EBF1: variants seen among roughly 807,000 people sequenced by gnomAD.
EBF1 encodes the protein transcription factor COE1.
A neutral mutation model predicts 68.4 loss-of-function variants in EBF1; 10 were observed. That is an observed-to-expected ratio of 0.15 (90% CI 0.09 to 0.25). EBF1 has a LOEUF of 0.25. Ranked by LOEUF, EBF1 falls within the 10% of genes least tolerant of loss-of-function variation. EBF1 has a pLI of 1.00. For synonymous variants in EBF1, 298 were observed against 299.8 expected, an observed-to-expected ratio of 0.99 and a Z score of 0.06; for missense variants, 509 against 794.4, an observed-to-expected ratio of 0.64 and a Z score of 4.32.
At chr5:159,076,444 G>A (rs1041191075) in intron 5 of EBF1, among the ~76,000 whole-genome samples, 5 of 152,092 alleles carry the variant, frequency 3.3e-5, no homozygotes, top group African/African-American at 1.2e-4. Context: ...AAGCACGGTC[G>A]TCATCTAAAA....
rs558159462 is a variant in EBF1, at chr5:158,849,448, G to A, written c.555-9338C>T. Among the ~76,000 whole-genome samples, 7 of 152,162 alleles carry A rather than the reference G, an allele frequency of 4.6e-5. No individual in the cohort carries two copies. The East Asian group carries it at 7.7e-4, about 17-fold the overall frequency. On this transcript the variant is annotated intron_variant, in intron 6 of 15. Coordinates refer to ENST00000313708, the MANE Select transcript of EBF1 (RefSeq NM_024007.5). ...TCATCCCACTTATCCCTCCAGGTGC[G>A]GTATAAATGTACTGAGCTCATGAAA...
chr5:159,092,550 T>C (rs1411474267), intron 4 of EBF1, among the ~76,000 whole-genome samples: 1 of 152,210 alleles, frequency 6.6e-6, no homozygotes, highest in African/African-American at 2.4e-5. Context: ...TCTTGGTTGA[T>C]TGAGTACATT....
At chr5:158,833,883 C>G (rs138498565) in intron 7 of EBF1, among the ~76,000 whole-genome samples, 5 of 152,326 alleles carry the variant, frequency 3.3e-5, no homozygotes, top group Non-Finnish European at 7.4e-5. Flanking sequence ...CCTTATCTTT[C>G]TTATTCATCA....
intron 11 of EBF1, among the ~76,000 whole-genome samples, chr5:158,714,744 T>C (rs1200539739): frequency 6.6e-6 from 1 of 152,208 alleles, no homozygotes; most frequent in Non-Finnish European, 1.5e-5. Context: ...CAAAAACTCT[T>C]ATGAAAGGAC....
chr5:159,015,847 C>G (rs1250481688), intron 6 of EBF1, among the ~76,000 whole-genome samples: 1 of 152,090 alleles, frequency 6.6e-6, no homozygotes, highest in African/African-American at 2.4e-5. Flanking sequence ...GCCTGAAAAG[C>G]AAAAATCACG....
rs7718123 is a variant in EBF1, at chr5:158,887,363, C to T, written c.555-47253G>A. The stretch of plus-strand genomic sequence containing the variant: ...CCTAAAAATAAACCACAAAGTTTAC[C>T]ATCAACCACCCTAGATTTTAAAAAT... On this transcript the variant is annotated intron_variant, in intron 6 of 15. Transcript: ENST00000313708. 4.2e-3 allele frequency among the ~76,000 whole-genome samples: 644 copies of T among 152,146 alleles called. 7 individuals are homozygous for T. The highest frequency in any genetic ancestry group is 0.014 in the African/African-American group (594 of 41,512).
At chr5:158,826,331 T>C (rs569863638) in intron 7 of EBF1, among the ~76,000 whole-genome samples, 7 of 152,350 alleles carry the variant, frequency 4.6e-5, no homozygotes, top group Non-Finnish European at 8.8e-5. Context: ...TGCCTGGCTA[T>C]TTAAATTTAA....
chr5:158,993,507 G>A (rs1207376519), intron 6 of EBF1, among the ~76,000 whole-genome samples: 2 of 152,106 alleles, frequency 1.3e-5, no homozygotes, highest in Non-Finnish European at 2.9e-5. Flanking sequence ...TCTACTCACA[G>A]GCATAGCAAT....
chr5:158,789,649 C>G (rs889977076), intron 9 of EBF1, among the ~76,000 whole-genome samples: 19 of 152,150 alleles, frequency 1.2e-4, no homozygotes, highest in Admixed American at 1.1e-3. Flanking sequence ...AGCCACCCTA[C>G]CACTGTGAAG....
At chr5:158,762,094 C>T (rs1048541186) in intron 10 of EBF1, among the ~76,000 whole-genome samples, 2 of 152,132 alleles carry the variant, frequency 1.3e-5, no homozygotes, top group Admixed American at 6.6e-5. Context: ...ACAATTTATA[C>T]CTCAACCCCC....
At chr5:158,781,525 C>T (rs1253017219) in intron 9 of EBF1, among the ~76,000 whole-genome samples, 1 of 152,130 alleles carries the variant, frequency 6.6e-6, no homozygotes, top group Non-Finnish European at 1.5e-5. Context: ...AATAAGTCTT[C>T]TTGCCATCTC....
At chr5:158,958,775 C>G (rs572454520) in intron 6 of EBF1, among the ~76,000 whole-genome samples, 64 of 152,254 alleles carry the variant, frequency 4.2e-4, no homozygotes, top group African/African-American at 1.5e-3. Context: ...TCTTACACAA[C>G]CAGAAACGCC....
chr5:158,911,627 GAACAAATCAT>G (rs59044583), intron 6 of EBF1, among the ~76,000 whole-genome samples: 24,268 of 151,974 alleles, frequency 0.16, 1,996 homozygotes, highest in Non-Finnish European at 0.19. Context: ...CATACAGTAG[GAACAAATCAT>G]AACATAATAA....
At chr5:158,951,423 A>T (rs2127501947) in intron 6 of EBF1, among the ~76,000 whole-genome samples, 1 of 152,322 alleles carries the variant, frequency 6.6e-6, no homozygotes, top group East Asian at 1.9e-4. Flanking sequence ...GTGCACGTTC[A>T]CAATGGTGAT....
chr5:159,090,140 A>T (rs1781371160), intron 4 of EBF1, among the ~76,000 whole-genome samples: 1 of 152,056 alleles, frequency 6.6e-6, no homozygotes, highest in Non-Finnish European at 1.5e-5. Context: ...GCAGCAAATT[A>T]CCAAGAATTG....
intron 10 of EBF1, among the ~76,000 whole-genome samples, chr5:158,770,870 T>C (rs1228723112): frequency 6.6e-6 from 1 of 152,104 alleles, no homozygotes; most frequent in African/African-American, 2.4e-5. Context: ...ACGTACCAGG[T>C]TTGAAATAGT....
chr5:158,904,021 G>A (rs1804020223), intron 6 of EBF1, among the ~76,000 whole-genome samples: 1 of 152,116 alleles, frequency 6.6e-6, no homozygotes, highest in South Asian at 2.1e-4. Context: ...GAGGCTCAGG[G>A]TAAAAGACAA....
intron 6 of EBF1, among the ~76,000 whole-genome samples, chr5:158,862,489 A>G (rs1795128619): frequency 1.3e-5 from 2 of 152,216 alleles, no homozygotes; most frequent in Non-Finnish European, 2.9e-5. Flanking sequence ...ATCTTGGACT[A>G]GAAGTAACTA....
chr5:159,084,848 G>A (rs1196654400), intron 4 of EBF1, 109 bp from the exon 5 acceptor site: 9 of 805,076 alleles, frequency 1.1e-5, no homozygotes, highest in Non-Finnish European at 1.5e-5. Context: ...GGCCAAATTA[G>A]CTTTGAGGAG....
Sources: gnomAD v4.1 joint callset for allele counts (sites outside exome capture counted in the v4.1 genomes callset) on GRCh38, gnomAD v4.1.1 for gene constraint, MANE v1.5 for transcripts, NCBI Gene and HGNC (gene_info 2026-07-23, HGNC 2026-07-21) for gene names.